FARP1: variants seen among roughly 807,000 people sequenced by gnomAD.
The protein encoded by FARP1 is FERM, ARHGEF and pleckstrin domain-containing protein 1.
FARP1 carries 52 observed loss-of-function variants against 128.8 expected under a neutral mutation model. The observed-to-expected ratio is 0.40, with a 90% CI of 0.32 to 0.51. FARP1 has a LOEUF of 0.51. Ranked by LOEUF, FARP1 falls within the 20% of genes least tolerant of loss-of-function variation. FARP1 has a pLI of 0.45. For synonymous variants in FARP1, 580 were observed against 551.8 expected, an observed-to-expected ratio of 1.05 and a Z score of -0.72; for missense variants, 1,333 against 1,367.9, an observed-to-expected ratio of 0.97 and a Z score of 0.40.
chr13:98,437,780 C>T, intron 19 of FARP1: 1 of 1,568,912 alleles, frequency 6.4e-7, no homozygotes, highest in East Asian at 2.2e-5. Flanking sequence ...GCTCCTTTTC[C>T]CTTATTAGGA....
intron 16 of FARP1, among the ~76,000 whole-genome samples, chr13:98,416,462 CT>C (rs1891379218): frequency 6.6e-6 from 1 of 152,202 alleles, no homozygotes; most frequent in Non-Finnish European, 1.5e-5. Context: ...ACACCTGCCC[CT>C]ATCCAAATGT....
chr13:98,391,112 G>A (rs1007379249), intron 11 of FARP1, among the ~76,000 whole-genome samples: 17 of 152,242 alleles, frequency 1.1e-4, no homozygotes, highest in Middle Eastern at 3.4e-3. Context: ...TAGGGGAGGC[G>A]GGAGAGGACA....
intron 3 of FARP1, among the ~76,000 whole-genome samples, chr13:98,363,772 C>T (rs1168809819): frequency 3.3e-5 from 5 of 152,126 alleles, no homozygotes; most frequent in Admixed American, 6.5e-5. Flanking sequence ...GACAGAGTCT[C>T]GCTCTGTCCC....
chr13:98,306,799 C>T (rs1886187593), intron 2 of FARP1, among the ~76,000 whole-genome samples: 1 of 152,186 alleles, frequency 6.6e-6, no homozygotes, highest in African/African-American at 2.4e-5. Context: ...ACTGGGATTA[C>T]AGGTGTGAGC....
intron 2 of FARP1, among the ~76,000 whole-genome samples, chr13:98,270,079 C>CT (rs1458807526): frequency 6.6e-6 from 1 of 152,124 alleles, no homozygotes. Context: ...AACTGAAAGG[C>CT]TTTTGAGAAT....
At chr13:98,201,037 T>C (rs749473127) in intron 1 of FARP1, among the ~76,000 whole-genome samples, 15 of 152,314 alleles carry the variant, frequency 9.8e-5, no homozygotes, top group Non-Finnish European at 2.1e-4. Flanking sequence ...GTTGGGGACA[T>C]TCCAATTCTC....
intron 21 of FARP1, 39 bp downstream of exon 21, chr13:98,439,235 G>C (rs745641838): frequency 7.0e-7 from 1 of 1,438,526 alleles, no homozygotes; most frequent in Non-Finnish European, 9.7e-7. Context: ...GCCTGTCCTC[G>C]GGGGCAGCAG....
chr13:98,384,055 A>AAAC (rs1464120248), intron 6 of FARP1: 29 of 152,296 alleles, frequency 1.9e-4, no homozygotes, highest in African/African-American at 6.0e-4. Context: ...CTGAAGTTTT[A>AAAC]GGGCTTTTTA....
chr13:98,402,796 A>G (rs1220662176), intron 13 of FARP1: 1 of 141,504 alleles, frequency 7.1e-6, no homozygotes, highest in Admixed American at 7.1e-5. Flanking sequence ...TTATTAATCA[A>G]ATTCCCTTCT....
chr13:98,290,481 G>C (rs754865487), intron 2 of FARP1, among the ~76,000 whole-genome samples: 1 of 152,090 alleles, frequency 6.6e-6, no homozygotes, highest in Non-Finnish European at 1.5e-5. Context: ...AGCATGTTCT[G>C]TGTCTTTAAG....
intron 2 of FARP1, among the ~76,000 whole-genome samples, chr13:98,252,324 T>C (rs1883374948): frequency 6.6e-6 from 1 of 152,220 alleles, no homozygotes; most frequent in Admixed American, 6.5e-5. Context: ...TATCAGTGCA[T>C]GTGATGTGAC....
At chr13:98,317,904 C>T (rs1886793992) in intron 2 of FARP1, among the ~76,000 whole-genome samples, 1 of 151,314 alleles carries the variant, frequency 6.6e-6, no homozygotes, top group African/African-American at 2.4e-5. Context: ...CTCTCCCTCC[C>T]TCCTTTCCTT....
chr13:98,290,054 C>CTTTTTTT (rs57453120), intron 2 of FARP1, among the ~76,000 whole-genome samples: 1 of 136,254 alleles, frequency 7.3e-6, no homozygotes. Context: ...GGAGATTTAT[C>CTTTTTTT]TTTTTTTTTT....
chr13:98,206,025 T>C (rs1880239898), intron 1 of FARP1, among the ~76,000 whole-genome samples: 2 of 152,214 alleles, frequency 1.3e-5, no homozygotes, highest in South Asian at 4.1e-4. Flanking sequence ...TGTTCATCTG[T>C]CATTTTTCTT....
chr13:98,436,047 T>G, intron 19 of FARP1: 1 of 335,814 alleles, frequency 3.0e-6, no homozygotes, highest in Middle Eastern at 4.9e-4. Context: ...AAAAAAAAAT[T>G]AGGTAAATAG....
At chr13:98,226,947 CTTTT>C (rs762450246) in intron 2 of FARP1, among the ~76,000 whole-genome samples, 6 of 147,750 alleles carry the variant, frequency 4.1e-5, no homozygotes, top group African/African-American at 7.4e-5. Flanking sequence ...TTCTTTCTTT[CTTTT>C]TTTTTTTGAG....
Position 98,446,212 on chromosome 13 carries a change from G to C in FARP1, c.2904+7G>C, listed in dbSNP as rs199780284. 78 of 1,597,230 alleles carry C rather than the reference G, an allele frequency of 4.9e-5. No homozygotes were observed. In the East Asian group the frequency reaches 1.5e-3, roughly 32 times the overall value. On this transcript the variant is annotated splice_region_variant and intron_variant, in intron 25 of 26. Transcript: ENST00000319562. Reference sequence around the variant, plus strand: ...CTTCTACAAATCACACCAGGTAAGTGTCTCGCACAGGGCAGGTGGCCCTGG... The same window carrying C: ...CTTCTACAAATCACACCAGGTAAGTCTCTCGCACAGGGCAGGTGGCCCTGG...
chr13:98,310,616 G>A (rs988869201), intron 2 of FARP1, among the ~76,000 whole-genome samples: 2 of 152,170 alleles, frequency 1.3e-5, no homozygotes, highest in Non-Finnish European at 2.9e-5. Context: ...GTGAACACTT[G>A]GTAGATTTTA....
chr13:98,414,994 A>C (rs1467822836), intron 16 of FARP1, among the ~76,000 whole-genome samples: 1 of 152,250 alleles, frequency 6.6e-6, no homozygotes, highest in Non-Finnish European at 1.5e-5. Context: ...ACAATGTCTG[A>C]ACACAGAAAA....
Sources: gnomAD v4.1 joint callset for allele counts (sites outside exome capture counted in the v4.1 genomes callset) on GRCh38, gnomAD v4.1.1 for gene constraint, MANE v1.5 for transcripts, NCBI Gene and HGNC (gene_info 2026-07-23, HGNC 2026-07-21) for gene names.